The following CARNS1 variants were observed in gnomAD, a reference collection of about 807,000 sequenced individuals.
CARNS1 encodes the protein ATP-grasp domain containing 1.
In CARNS1, 61 loss-of-function variants were observed where a neutral mutation model predicts 74.0. The ratio of observed to expected loss-of-function variants is 0.82; its 90% CI spans 0.67 to 1.02. The LOEUF (loss-of-function observed/expected upper bound fraction) is 1.02, where lower values mean the gene tolerates loss of function less well. CARNS1 is among the 50% of genes least tolerant of loss of function. The probability of loss-of-function intolerance (pLI) is 0.00; values close to 1 mark genes in which losing one functional copy is unlikely to be tolerated. For synonymous variants in CARNS1, 568 were observed against 605.5 expected, an observed-to-expected ratio of 0.94 and a Z score of 0.91; for missense variants, 1,278 against 1,308.4, an observed-to-expected ratio of 0.98 and a Z score of 0.36.
intron 2 of CARNS1, 77 bp downstream of exon 2, chr11:67,416,279 A>C: frequency 6.5e-7 from 1 of 1,535,876 alleles, no homozygotes; most frequent in Non-Finnish European, 8.7e-7. Flanking sequence ...AGCAGGCAGC[A>C]CCTAGGACCT....
At position 67,416,168 on chromosome 11, in the gene CARNS1, GC is replaced by G; in HGVS notation, c.-24-6del. The G allele has an allele frequency of 6.8e-7, 1 of 1,462,518 alleles. No homozygotes were observed. The highest frequency in any genetic ancestry group is 9.3e-7 in the Non-Finnish European group (1 of 1,078,928). The allele number at this position is 1,462,518 out of a possible 1,614,324, so 90.6% of individuals were successfully genotyped here. A position where few individuals can be genotyped will look rare whatever the true frequency, so the allele number is the denominator to read the frequency against. On this transcript the variant is annotated splice_polypyrimidine_tract_variant and splice_region_variant and intron_variant, in intron 1 of 9. Coordinates refer to ENST00000687366, the MANE Select transcript of CARNS1 (RefSeq NM_001166222.2). ...TTCGTCTCTCTGTCCCTCTGTCTCT[GC>G]CATCAGTCTCTCAGCCACTCCACCC...
At chr11:67,422,019 C>T (rs887216257) in intron 9 of CARNS1, among the ~76,000 whole-genome samples, 19 of 151,784 alleles carry the variant, frequency 1.3e-4, no homozygotes, top group African/African-American at 4.1e-4. Context: ...GTACCTGGGA[C>T]TACAGGCGCC....
Position 67,417,526 on chromosome 11 carries a change from C to T in CARNS1, c.123C>T (p.Ser41=). 7.0e-7 allele frequency: 1 copy of T among 1,424,840 alleles called. No individual in the cohort carries two copies. Among genetic ancestry groups the T allele is most frequent in the Non-Finnish European group, 9.2e-7 (1 of 1,092,622 alleles). The allele number at this position is 1,424,840 out of a possible 1,614,324, so 88.3% of individuals were successfully genotyped here. ...GLPPTGCFPG[S]WRQDVGLDCK... The stretch of plus-strand genomic sequence containing the variant: ...CGCCCACAGGCTGCTTCCCTGGCTC[C>T]TGGCGCCAGGACGTGGGCCTGGACT... The change falls in exon 3 of 10, where the codon TCC becomes TCT. Residue 41 remains serine (S), a synonymous_variant. Coordinates refer to ENST00000687366, the MANE Select transcript of CARNS1 (RefSeq NM_001166222.2).
chr11:67,417,798 G>T, intron 3 of CARNS1, 121 bp downstream of exon 3: 1 of 683,006 alleles, frequency 1.5e-6, no homozygotes, highest in Non-Finnish European at 2.1e-6. Context: ...CCATCTGAAG[G>T]CAGGGAAGGC....
chr11:67,422,901 C>T lies in CARNS1; in HGVS notation c.1627-474C>T, dbSNP rs376819078. The stretch of plus-strand genomic sequence containing the variant: ...CAGCAGGCAGTAAGCTTTAGGGGCA[C>T]GGGGCCCCACTGGATTCCTCCGTGG... On this transcript the variant is annotated intron_variant, in intron 9 of 9. Coordinates refer to ENST00000687366, the MANE Select transcript of CARNS1 (RefSeq NM_001166222.2). 2.5e-4 allele frequency among the ~76,000 whole-genome samples: 38 copies of T among 152,356 alleles called. No homozygotes were observed. In the South Asian group the frequency reaches 5.0e-3, roughly 20 times the overall value.
intron 3 of CARNS1, 84 bp downstream of exon 3, chr11:67,417,761 G>A (rs1268327545): frequency 9.7e-7 from 1 of 1,027,908 alleles, no homozygotes; most frequent in East Asian, 3.2e-5. Context: ...CCCTGTCAAG[G>A]TCGGCCCCTT....
rs1863636000 is a variant in CARNS1 at position 67,419,484 on chromosome 11, C to T, written c.853-3C>T. ...GGAGGCCCCTTTCCCCTCCTTGCTG[C>T]AGGTAGCTGTGAAGCTCAGTGGCTG... On this transcript the variant is annotated splice_polypyrimidine_tract_variant and splice_region_variant and intron_variant, in intron 5 of 9. Coordinates refer to ENST00000687366, the MANE Select transcript of CARNS1 (RefSeq NM_001166222.2). 2 of 1,611,848 alleles carry T rather than the reference C, an allele frequency of 1.2e-6. No individual in the cohort carries two copies. The highest frequency in any genetic ancestry group is 1.7e-5 in the Admixed American group (1 of 59,872).
At position 67,425,023 on chromosome 11, in the gene CARNS1, C is replaced by T. The variant is rs1360740991; in HGVS notation, c.*422C>T. 2 of 474,258 alleles carry T rather than the reference C, an allele frequency of 4.2e-6. No individual in the cohort carries two copies. Among genetic ancestry groups the T allele is most frequent in the Admixed American group, 4.6e-5 (2 of 43,012 alleles). 29.4% of individuals were successfully genotyped at this position (474,258 alleles called of 1,614,324 possible). A position where few individuals can be genotyped will look rare whatever the true frequency, so the allele number is the denominator to read the frequency against. On this transcript the variant is annotated 3_prime_UTR_variant, in exon 10 of 10. Coordinates refer to ENST00000687366, the MANE Select transcript of CARNS1 (RefSeq NM_001166222.2). ...GCTGGGCCCCAAGCCTTGGACAAAT[C>T]CTGGGAAAACCTGAGACTAGAACCC...
Position 67,419,618 on chromosome 11 carries a change from C to G in CARNS1, c.984C>G (p.Val328=), listed in dbSNP as rs763953799. ...LLEKLEEEES[V]LVEAVYPPAQ... ...AGAAGCTGGAGGAGGAGGAGAGTGTCCTGGTGGAGGCTGTGTACCCACCTG... is the reference window on the plus strand; with the variant it reads ...AGAAGCTGGAGGAGGAGGAGAGTGTGCTGGTGGAGGCTGTGTACCCACCTG... Residue 328 remains valine (V), a synonymous_variant, in exon 6 of 10, where the codon GTC becomes GTG. Transcript: ENST00000687366. The G allele has an allele frequency of 1.2e-6, 2 of 1,602,348 alleles. No individual in the cohort carries two copies. Among genetic ancestry groups the G allele is most frequent in the Non-Finnish European group, 1.7e-6 (2 of 1,175,918 alleles).
rs1218493833 is a variant in CARNS1 at position 67,421,331 on chromosome 11, C to T, written c.1626+112C>T. 1.0e-5 allele frequency: 12 copies of T among 1,187,312 alleles called. No individual in the cohort carries two copies. In the African/African-American group the frequency reaches 1.5e-4, roughly 14 times the overall value. 73.5% of individuals were successfully genotyped at this position (1,187,312 alleles called of 1,614,324 possible). A position where few individuals can be genotyped will look rare whatever the true frequency, so the allele number is the denominator to read the frequency against. ...GGCGTCCTTGGGGCGGGACCAGCCG[C>T]GCTAGAGGCGGTGCTTGGGCGGGGC... On this transcript the variant is annotated intron_variant, in intron 9 of 9. Coordinates refer to ENST00000687366, the MANE Select transcript of CARNS1 (RefSeq NM_001166222.2).
Position 67,423,810 on chromosome 11 carries a change from G to C in CARNS1, c.2062G>C (p.Val688Leu), listed in dbSNP as rs369448907. The C allele has an allele frequency of 2.9e-5, 47 of 1,607,734 alleles. No homozygotes were observed. The highest frequency in any genetic ancestry group is 2.0e-4 in the Admixed American group (12 of 59,854). ...GGCAGGTGCAGTGGGTGTCCGGCTGGTAGAGGATGCGCCACAGTGCCATGA... is the reference window on the plus strand; with the variant it reads ...GGCAGGTGCAGTGGGTGTCCGGCTGCTAGAGGATGCGCCACAGTGCCATGA... ...FGAGAVGVRLVEDAPQCHEHF... is the reference protein window; with the variant it reads ...FGAGAVGVRLLEDAPQCHEHF... Residue 688 changes from valine to leucine, a missense_variant, in exon 10 of 10, where the codon GTA (valine) becomes CTA (leucine). Transcript: ENST00000687366. The surrounding 1 kb of genome is among the most constrained non-coding windows in gnomAD (Gnocchi z 5.1).
chr11:67,419,512 G>A lies in CARNS1; in HGVS notation c.878G>A (p.Arg293His), dbSNP rs1046139654. The change falls in exon 6 of 10, where the codon CGC becomes CAC. Residue 293 changes from arginine to histidine, a missense_variant. Physicochemically the swap from Arg to His is conservative, Grantham distance 29. Coordinates refer to ENST00000687366, the MANE Select transcript of CARNS1 (RefSeq NM_001166222.2). ...LQVAVKLSGW[R>H]WRGRQAWRLH... ...GTAGCTGTGAAGCTCAGTGGCTGGC[G>A]CTGGCGGGGGCGGCAGGCATGGCGT... The A allele has an allele frequency of 6.2e-6, 10 of 1,610,340 alleles. No individual in the cohort carries two copies. The highest frequency in any genetic ancestry group is 5.3e-5 in the African/African-American group (4 of 74,904).
rs1417769633 is a variant in CARNS1, at chr11:67,418,852, G to GCTTC, written c.463_466dup (p.His156LeufsTer11). ...GCCCTGCTAGTCTCCAAGGCTGTGA[G>GCTTC]CTTCCACCCTGGGGGCCTGACATTC... is the stretch of plus-strand genomic sequence containing the variant. On this transcript the variant is annotated frameshift_variant, in exon 5 of 10. Coordinates refer to ENST00000687366, the MANE Select transcript of CARNS1 (RefSeq NM_001166222.2). LOFTEE classifies it high-confidence loss of function. The GCTTC allele has an allele frequency of 6.2e-7, 1 of 1,600,996 alleles. No individual in the cohort carries two copies. The highest frequency in any genetic ancestry group is 8.5e-7 in the Non-Finnish European group (1 of 1,174,152).
In CARNS1 at chr11:67,425,503, T is replaced by C. The variant is rs561078458; in HGVS notation, c.*902T>C. The C allele has an allele frequency of 5.7e-6, 1 of 174,320 alleles. No homozygotes were observed. Among genetic ancestry groups the C allele is most frequent in the Admixed American group, 5.5e-5 (1 of 18,070 alleles). 10.8% of individuals were successfully genotyped at this position (174,320 alleles called of 1,614,324 possible). A position where few individuals can be genotyped will look rare whatever the true frequency, so the allele number is the denominator to read the frequency against. On this transcript the variant is annotated 3_prime_UTR_variant, in exon 10 of 10. Coordinates refer to ENST00000687366, the MANE Select transcript of CARNS1 (RefSeq NM_001166222.2). ...CAGAGGAGAGTCTACACTCTCTTCC[T>C]CATTCAGGGAAGATGCTTTAAGAAA...
In CARNS1 at chr11:67,424,568, C is replaced by T. The variant is rs1006279515; in HGVS notation, c.2820C>T (p.Tyr940=). ...CQGLGIDGPS[Y]PVAHFLSHFK ...GCCTGGGCATCGATGGGCCCAGCTA[C>T]CCTGTTGCCCACTTCCTGTCTCACT... Residue 940 remains tyrosine, a synonymous_variant, in exon 10 of 10, where the codon TAC becomes TAT. Coordinates refer to ENST00000687366, the MANE Select transcript of CARNS1 (RefSeq NM_001166222.2). 1.2e-6 allele frequency: 2 copies of T among 1,607,052 alleles called. No individual in the cohort carries two copies. Among genetic ancestry groups the T allele is most frequent in the Non-Finnish European group, 8.5e-7 (1 of 1,178,116 alleles).
intron 3 of CARNS1, 57 bp downstream of exon 3, chr11:67,417,734 C>T: frequency 1.7e-6 from 2 of 1,171,752 alleles, no homozygotes; most frequent in Non-Finnish European, 1.1e-6. Flanking sequence ...GGCCCTCAGC[C>T]CAGTCTGCTT....
At position 67,420,665 on chromosome 11, in the gene CARNS1, G is replaced by A. The variant is rs1863670712; in HGVS notation, c.1170G>A (p.Pro390=). The A allele has an allele frequency of 2.4e-6, 3 of 1,259,142 alleles. No individual in the cohort carries two copies. Among genetic ancestry groups the A allele is most frequent in the South Asian group, 6.5e-5 (2 of 30,702 alleles). The allele number at this position is 1,259,142 out of a possible 1,614,324, so 78.0% of individuals were successfully genotyped here. A position where few individuals can be genotyped will look rare whatever the true frequency, so the allele number is the denominator to read the frequency against. ...DRPLRHHNSL[P]RTLEVALAQC... ...CTCTACGGCACCACAACTCCCTGCC[G>A]AGGACGCTGGAGGTGGCGCTGGCCC... Residue 390 remains proline (P), a synonymous_variant, in exon 8 of 10, where the codon CCG becomes CCA. Coordinates refer to ENST00000687366, the MANE Select transcript of CARNS1 (RefSeq NM_001166222.2).
chr11:67,421,582 A>G (rs1189431495), intron 9 of CARNS1, among the ~76,000 whole-genome samples: 7 of 152,064 alleles, frequency 4.6e-5, no homozygotes, highest in Non-Finnish European at 8.8e-5. Flanking sequence ...TCTTGGGGAA[A>G]GGGCGGGCCC....
chr11:67,422,744 C>T (rs1863739824), intron 9 of CARNS1, among the ~76,000 whole-genome samples: 1 of 152,226 alleles, frequency 6.6e-6, no homozygotes, highest in Non-Finnish European at 1.5e-5. Flanking sequence ...CCCCTGTGGA[C>T]ACCACCTCTG....
Sources: allele counts gnomAD v4.1 joint callset (sites outside exome capture counted in the v4.1 genomes callset), GRCh38; gene constraint gnomAD v4.1.1; non-coding constraint Gnocchi (gnomAD v3.1); transcripts MANE v1.5; gene names NCBI Gene and HGNC (gene_info 2026-07-23, HGNC 2026-07-21).